SDK1: variants seen among roughly 807,000 people sequenced by gnomAD.
SDK1 encodes the protein sidekick cell adhesion molecule 1.
A neutral mutation model predicts 245.5 loss-of-function variants in SDK1; 157 were observed. That is an observed-to-expected ratio of 0.64 (90% CI 0.56 to 0.73). The LOEUF is 0.73. Ranked by LOEUF, SDK1 falls within the 30% of genes least tolerant of loss-of-function variation. SDK1 has a pLI of 0.00. For synonymous variants in SDK1, 1,647 were observed against 1,278.5 expected, an observed-to-expected ratio of 1.29 and a Z score of -6.15; for missense variants, 3,583 against 3,002.3, an observed-to-expected ratio of 1.19 and a Z score of -4.52.
intron 1 of SDK1, among the ~76,000 whole-genome samples, chr7:3,416,346 C>A (rs573407772): frequency 6.6e-6 from 1 of 152,038 alleles, no homozygotes; most frequent in African/African-American, 2.4e-5. Flanking sequence ...CGTTCTAGGG[C>A]CCTCCCTCCT....
chr7:3,448,396 A>G (rs1288247666), intron 1 of SDK1, among the ~76,000 whole-genome samples: 1 of 151,716 alleles, frequency 6.6e-6, no homozygotes, highest in African/African-American at 2.4e-5. Flanking sequence ...TATATTAGGG[A>G]TATTAACTGT....
At chr7:3,433,185 C>T (rs1038664037) in intron 1 of SDK1, among the ~76,000 whole-genome samples, 17 of 152,156 alleles carry the variant, frequency 1.1e-4, no homozygotes, top group Non-Finnish European at 1.8e-4. Flanking sequence ...AGATGGAGGT[C>T]AGAGAATATG....
At chr7:3,969,749 A>G (rs1782339959) in intron 11 of SDK1, among the ~76,000 whole-genome samples, 1 of 152,218 alleles carries the variant, frequency 6.6e-6, no homozygotes, top group African/African-American at 2.4e-5. Context: ...GCATTTTATA[A>G]GAAAATTAAG....
intron 25 of SDK1, among the ~76,000 whole-genome samples, chr7:4,114,741 G>C (rs1265770104): frequency 6.6e-6 from 1 of 152,134 alleles, no homozygotes; most frequent in African/African-American, 2.4e-5. Context: ...GTCTAAGGTG[G>C]GCGTTCCTGT....
At chr7:3,616,501 T>C (rs1039052186) in intron 1 of SDK1, among the ~76,000 whole-genome samples, 1 of 152,216 alleles carries the variant, frequency 6.6e-6, no homozygotes, top group Admixed American at 6.5e-5. Flanking sequence ...CCAGAGGGCC[T>C]GCTTAACGGT....
intron 1 of SDK1, among the ~76,000 whole-genome samples, chr7:3,405,426 C>T (rs760004926): frequency 7.2e-5 from 11 of 152,252 alleles, no homozygotes; most frequent in South Asian, 2.1e-4. Context: ...GGCTGACCAC[C>T]GGTTTTTGTA....
Position 3,645,818 on chromosome 7 carries a change from C to T in SDK1, c.713+3713C>T, listed in dbSNP as rs191237234. On this transcript the variant is annotated intron_variant, in intron 4 of 44. Coordinates refer to ENST00000404826, the MANE Select transcript of SDK1 (RefSeq NM_152744.4). ...TAGAGCATTTGACTCAAGGTGCTTC[C>T]CACATATTGAAATGCAGGTGAAGTT... Among the ~76,000 whole-genome samples, 376 of 152,086 alleles carry T rather than the reference C, an allele frequency of 2.5e-3. 3 individuals are homozygous for T. Among genetic ancestry groups the T allele is most frequent in the South Asian group, 0.018 (87 of 4,818 alleles).
At chr7:3,977,524 C>T (rs1293562799) in intron 13 of SDK1, among the ~76,000 whole-genome samples, 1 of 152,240 alleles carries the variant, frequency 6.6e-6, no homozygotes, top group Non-Finnish European at 1.5e-5. Flanking sequence ...TTCTTTCTGC[C>T]CTTCATGAGC....
chr7:3,418,080 C>T (rs1779425389), intron 1 of SDK1, among the ~76,000 whole-genome samples: 1 of 145,054 alleles, frequency 6.9e-6, no homozygotes, highest in African/African-American at 2.7e-5. Context: ...AATTCCTGAT[C>T]ACTTGAGGTC....
At chr7:3,489,387 A>G (rs1781800574) in intron 1 of SDK1, among the ~76,000 whole-genome samples, 1 of 152,256 alleles carries the variant, frequency 6.6e-6, no homozygotes, top group African/African-American at 2.4e-5. Flanking sequence ...TGTCTTAAAT[A>G]AGTAATTGCT....
At chr7:3,559,715 G>A (rs1291941337) in intron 1 of SDK1, among the ~76,000 whole-genome samples, 2 of 147,964 alleles carry the variant, frequency 1.4e-5, no homozygotes, top group South Asian at 4.2e-4. Context: ...GAACCTCAAG[G>A]TAACGCTGTA....
At chr7:3,759,030 C>T (rs1780018801) in intron 4 of SDK1, among the ~76,000 whole-genome samples, 2 of 152,118 alleles carry the variant, frequency 1.3e-5, no homozygotes, top group African/African-American at 4.8e-5. Context: ...TCGCATTATC[C>T]ACAGTTTATT....
At chr7:4,038,855 G>T (rs989529673) in intron 17 of SDK1, among the ~76,000 whole-genome samples, 1 of 152,120 alleles carries the variant, frequency 6.6e-6, no homozygotes, top group African/African-American at 2.4e-5. Context: ...GAAAGGTGCT[G>T]GCATAATTTG....
At chr7:4,014,534 C>T (rs1036474125) in intron 16 of SDK1, among the ~76,000 whole-genome samples, 18 of 152,172 alleles carry the variant, frequency 1.2e-4, no homozygotes, top group East Asian at 3.8e-4. Flanking sequence ...GAGTGTGTAT[C>T]CTCCAGGGCA....
At position 4,110,782 on chromosome 7, in the gene SDK1, G is replaced by C; in HGVS notation, c.3434+10G>C. 6.3e-7 allele frequency: 1 copy of C among 1,579,360 alleles called. No homozygotes were observed. The highest frequency in any genetic ancestry group is 8.7e-7 in the Non-Finnish European group (1 of 1,148,362). On this transcript the variant is annotated intron_variant, in intron 23 of 44. Coordinates refer to ENST00000404826, the MANE Select transcript of SDK1 (RefSeq NM_152744.4). ...CCTACACTCACTACAGGTGAGAACA[G>C]CAGTGATAAGCTGTTACAGGAGGAA...
At position 3,962,717 on chromosome 7, in the gene SDK1, A is replaced by C; in HGVS notation, c.1295A>C (p.Asn432Thr). 1.2e-6 allele frequency: 2 copies of C among 1,613,812 alleles called. No homozygotes were observed. The highest frequency in any genetic ancestry group is 1.7e-6 in the Non-Finnish European group (2 of 1,179,870). ...KDAISISRLQNPRYKVLASGG... is the reference protein window; with the variant it reads ...KDAISISRLQTPRYKVLASGG... ...GCCATCTCCATCAGCAGGCTCCAGA[A>C]TCCTCGATACAAAGTGCTCGCCAGC... Residue 432 changes from asparagine to threonine, a missense_variant, in exon 9 of 45, where the codon AAT (asparagine) becomes ACT (threonine). Coordinates refer to ENST00000404826, the MANE Select transcript of SDK1 (RefSeq NM_152744.4).
In SDK1 at chr7:3,796,406, G is replaced by A. The variant is rs562216440; in HGVS notation, c.714-25044G>A. On this transcript the variant is annotated intron_variant, in intron 4 of 44. Transcript: ENST00000404826. ...GTGGATCTCAGAATGATACTCTGAA[G>A]CTGTTTCGCTGTTGCTTCCCTTTGC... Among the ~76,000 whole-genome samples, 12 of 152,328 alleles carry A rather than the reference G, an allele frequency of 7.9e-5. No homozygotes were observed. In the South Asian group the frequency reaches 2.1e-3, roughly 26 times the overall value.
chr7:4,022,526 T>C (rs554465306), intron 17 of SDK1, among the ~76,000 whole-genome samples: 1 of 152,126 alleles, frequency 6.6e-6, no homozygotes. Context: ...AGCATATGCC[T>C]GGGCTGAGGG....
In SDK1 at chr7:3,352,059, A is replaced by C. The variant is rs187714714; in HGVS notation, c.298+50175A>C. Among the ~76,000 whole-genome samples the C allele has an allele frequency of 3.4e-3, 517 of 151,466 alleles. 5 individuals are homozygous for C. The highest frequency in any genetic ancestry group is 0.011 in the African/African-American group (469 of 41,416). On this transcript the variant is annotated intron_variant, in intron 1 of 44. Transcript: ENST00000404826. ...CGGAATTATAGAAGGAATCAACCAA[A>C]AGATAACAGGAAAATCCTTGTATGT...
Sources: allele counts gnomAD v4.1 joint callset (sites outside exome capture counted in the v4.1 genomes callset), GRCh38; gene constraint gnomAD v4.1.1; transcripts MANE v1.5; gene names NCBI Gene and HGNC (gene_info 2026-07-23, HGNC 2026-07-21).